AGK: variants seen among roughly 807,000 people sequenced by gnomAD.
AGK encodes acylglycerol kinase, mitochondrial.
AGK carries 52 observed loss-of-function variants against 66.4 expected under a neutral mutation model. The observed-to-expected ratio is 0.78, with a 90% confidence interval of 0.63 to 0.99. The LOEUF is 0.99. Ranked by LOEUF, AGK falls within the 50% of genes least tolerant of loss-of-function variation. The pLI, the probability that AGK is intolerant of heterozygous loss-of-function variation, is 0.00. For synonymous variants in AGK, 182 were observed against 181.1 expected (o/e 1.00, Z -0.04); for missense variants, 451 against 506.6 (o/e 0.89, Z 1.05).
At chr7:141,637,714 G>A (rs1797203339) in intron 11 of AGK, among the ~76,000 whole-genome samples, 1 of 152,160 alleles carries the variant, frequency 6.6e-6, no homozygotes, top group South Asian at 2.1e-4. Flanking sequence ...GGGTTTGAAT[G>A]TAGTGAGAAG....
chr7:141,642,222 A>G (rs1031301909), intron 13 of AGK, among the ~76,000 whole-genome samples: 1 of 152,212 alleles, frequency 6.6e-6, no homozygotes, highest in African/African-American at 2.4e-5. Context: ...CACTGGAAAA[A>G]AATTGTGGAA....
intron 1 of AGK, among the ~76,000 whole-genome samples, chr7:141,552,966 ACTGT>A (rs1488733837): frequency 6.6e-6 from 1 of 152,046 alleles, no homozygotes; most frequent in Non-Finnish European, 1.5e-5. Context: ...AACACACTTT[ACTGT>A]CTTTTATGCC....
chr7:141,579,616 A>G (rs900503583), intron 2 of AGK, among the ~76,000 whole-genome samples: 3 of 151,914 alleles, frequency 2.0e-5, no homozygotes, highest in Non-Finnish European at 4.4e-5. Flanking sequence ...TGAGTAGGGA[A>G]GGGAGGGGGC....
At chr7:141,637,430 G>T (rs116309647) in intron 11 of AGK, among the ~76,000 whole-genome samples, 3 of 152,076 alleles carry the variant, frequency 2.0e-5, no homozygotes, top group Non-Finnish European at 4.4e-5. Flanking sequence ...TGTATCAGTA[G>T]GTTTCAAACT....
At chr7:141,591,347 C>T (rs1796113335) in intron 2 of AGK, among the ~76,000 whole-genome samples, 1 of 152,024 alleles carries the variant, frequency 6.6e-6, no homozygotes, top group South Asian at 2.1e-4. Flanking sequence ...CCCACCTTGT[C>T]CTCCCAAAGT....
At chr7:141,587,934 C>G (rs1796027890) in intron 2 of AGK, among the ~76,000 whole-genome samples, 1 of 152,210 alleles carries the variant, frequency 6.6e-6, no homozygotes, top group Admixed American at 6.5e-5. Flanking sequence ...TTACCAAGAG[C>G]TGTTCTTCTT....
At chr7:141,552,653 G>A (rs1215464688) in intron 1 of AGK, among the ~76,000 whole-genome samples, 1 of 152,184 alleles carries the variant, frequency 6.6e-6, no homozygotes. Flanking sequence ...TGGCATTAGA[G>A]GAAACAACTG....
At chr7:141,560,866 G>T (rs899685479) in intron 2 of AGK, among the ~76,000 whole-genome samples, 3 of 143,958 alleles carry the variant, frequency 2.1e-5, no homozygotes, top group Admixed American at 1.5e-4. Context: ...GCACGATCTC[G>T]GCTCACTGCA....
At chr7:141,575,621 T>C (rs563058152) in intron 2 of AGK, among the ~76,000 whole-genome samples, 49 of 146,892 alleles carry the variant, frequency 3.3e-4, no homozygotes, top group African/African-American at 1.2e-3. Context: ...TTCCAGGAAA[T>C]GGAAATTGGG....
rs541951300 is a variant in AGK at position 141,600,013 on chromosome 7, G to T, written c.222-1192G>T. Among the ~76,000 whole-genome samples the T allele has an allele frequency of 3.5e-4, 54 of 152,174 alleles. 1 individual carries two copies. The South Asian group carries it at 0.011, about 30-fold the overall frequency. On this transcript the variant is annotated intron_variant, in intron 4 of 15. Transcript: ENST00000649286. ...TTTAGTTTAAAGAATATTGAGCTTG[G>T]CCTGTGCATAACTATACGTGTTCCT... is the stretch of plus-strand genomic sequence containing the variant.
At position 141,651,649 on chromosome 7, in the gene AGK, G is replaced by A. The variant is rs779351269; in HGVS notation, c.1131+40G>A. ...GGTCGGTAGTCACAGCATTTGATTC[G>A]TTCGTCATCGGCCTGCCCCTCTGTG... On this transcript the variant is annotated intron_variant, in intron 15 of 15. Transcript: ENST00000649286. 1.5e-5 allele frequency: 23 copies of A among 1,570,392 alleles called. No individual in the cohort carries two copies. The Middle Eastern group carries it at 5.0e-4, about 34-fold the overall frequency.
chr7:141,601,233 G>T lies in AGK; in HGVS notation c.250G>T (p.Ala84Ser). The T allele has an allele frequency of 6.2e-7, 1 of 1,612,724 alleles. No individual in the cohort carries two copies. Among genetic ancestry groups the T allele is most frequent in the Non-Finnish European group, 8.5e-7 (1 of 1,179,274 alleles). Residue 84 changes from alanine to serine, a missense_variant, in exon 5 of 16, where the codon GCT (alanine) becomes TCT (serine). Physicochemically the swap from Ala to Ser is moderately conservative, Grantham distance 99. Transcript: ENST00000649286. ...GKARTLFEKN[A>S]APILHLSGMD... ...AGCCAGGACTCTATTTGAAAAAAAT[G>T]CTGCCCCGATTTTACATTTATCTGG...
At chr7:141,582,081 A>G (rs1037109813) in intron 2 of AGK, among the ~76,000 whole-genome samples, 11 of 152,210 alleles carry the variant, frequency 7.2e-5, no homozygotes, top group South Asian at 4.1e-4. Flanking sequence ...GGACAGTGTC[A>G]GTCTTCAGCC....
rs191973845 is a variant in AGK, at chr7:141,606,985, T to A, written c.298-4210T>A. ...TTTAGGTTTCTCCATTGTGTTTTCATGGCTTGTTAGCTCATTTCTTTGCTG... is the reference window on the plus strand; with the variant it reads ...TTTAGGTTTCTCCATTGTGTTTTCAAGGCTTGTTAGCTCATTTCTTTGCTG... On this transcript the variant is annotated intron_variant, in intron 5 of 15. Coordinates refer to ENST00000649286, the MANE Select transcript of AGK (RefSeq NM_018238.4). Among the ~76,000 whole-genome samples the A allele has an allele frequency of 3.9e-5, 6 of 152,330 alleles. No individual in the cohort carries two copies. In the East Asian group the frequency reaches 1.2e-3, roughly 29 times the overall value.
At chr7:141,633,677 G>A (rs1394036992) in intron 9 of AGK, among the ~76,000 whole-genome samples, 2 of 152,192 alleles carry the variant, frequency 1.3e-5, no homozygotes, top group Non-Finnish European at 2.9e-5. Flanking sequence ...CCTGCCAGCA[G>A]ATTCATGAAA....
chr7:141,608,589 C>G (rs1373119612), intron 5 of AGK, among the ~76,000 whole-genome samples: 1 of 152,054 alleles, frequency 6.6e-6, no homozygotes, highest in Admixed American at 6.6e-5. Context: ...CCTTTCACTT[C>G]CATTGTTGAC....
At chr7:141,652,683 ATGT>A (rs1211932788) in intron 15 of AGK, 101 bp from the exon 16 acceptor site, 4 of 1,220,960 alleles carry the variant, frequency 3.3e-6, no homozygotes, top group Admixed American at 2.0e-5. Flanking sequence ...TCAAGAGAGG[ATGT>A]TGTTTTCCAT....
chr7:141,560,836 G>A lies in AGK; in HGVS notation c.101+5269G>A, dbSNP rs900441039. On this transcript the variant is annotated intron_variant, in intron 2 of 15. Coordinates refer to ENST00000649286, the MANE Select transcript of AGK (RefSeq NM_018238.4). ...TTTTGAGCCGGAGTCTCGCTCTGTC[G>A]CCCAGGCTGGAGTGCAGTGGCACGA... Among the ~76,000 whole-genome samples the A allele has an allele frequency of 2.5e-3, 325 of 131,796 alleles. 3 individuals are homozygous for A. The highest frequency in any genetic ancestry group is 8.4e-3 in the African/African-American group (291 of 34,846). 86.5% of individuals were successfully genotyped at this position (131,796 alleles called of 152,430 possible). A position where few individuals can be genotyped will look rare whatever the true frequency, so the allele number is the denominator to read the frequency against.
intron 14 of AGK, chr7:141,650,769 G>A (rs768719181): frequency 1.6e-5 from 13 of 820,034 alleles, no homozygotes; most frequent in African/African-American, 3.7e-5. Context: ...GGTATCCTTG[G>A]GGTATTGGTT....
Sources: allele counts gnomAD v4.1 joint callset (sites outside exome capture counted in the v4.1 genomes callset), GRCh38; gene constraint gnomAD v4.1.1; transcripts MANE v1.5; gene names NCBI Gene and HGNC (gene_info 2026-07-23, HGNC 2026-07-21).